DPP10: variants seen among roughly 807,000 people sequenced by gnomAD.
The protein encoded by DPP10 is inactive dipeptidyl peptidase 10.
A neutral mutation model predicts 120.9 loss-of-function variants in DPP10; 33 were observed. The ratio of observed to expected loss-of-function variants is 0.27; its 90% CI spans 0.21 to 0.37. The LOEUF (loss-of-function observed/expected upper bound fraction) is 0.37. DPP10 is among the 10% of genes least tolerant of loss of function. The pLI, the probability that DPP10 is intolerant of heterozygous loss-of-function variation, is 1.00. For missense variants in DPP10, 816 were observed against 942.8 expected (o/e 0.87, Z 1.76); for synonymous variants, 337 against 326.1 (o/e 1.03, Z -0.36).
At chr2:115,733,910 A>C (rs2092970066) in intron 8 of DPP10, among the ~76,000 whole-genome samples, 1 of 152,254 alleles carries the variant, frequency 6.6e-6, no homozygotes, top group African/African-American at 2.4e-5. Flanking sequence ...ATTTGTAAAA[A>C]TAAATTCTTT....
At chr2:115,398,161 T>G (rs554594626) in intron 3 of DPP10, among the ~76,000 whole-genome samples, 29 of 137,062 alleles carry the variant, frequency 2.1e-4, no homozygotes, top group African/African-American at 6.5e-4. Flanking sequence ...CTGGAGTTTT[T>G]CATTGTATAT....
intron 25 of DPP10, 73 bp from the exon 26 acceptor site, chr2:115,842,138 G>A: frequency 6.9e-7 from 1 of 1,453,938 alleles, no homozygotes; most frequent in East Asian, 2.4e-5. Context: ...ATGACGTTAG[G>A]GCTCAGAAAA....
At chr2:114,632,393 G>A (rs1219084013) in intron 1 of DPP10, among the ~76,000 whole-genome samples, 1 of 149,096 alleles carries the variant, frequency 6.7e-6, no homozygotes, top group Non-Finnish European at 1.5e-5. Context: ...AATTTTATAA[G>A]TACTATATAT....
At chr2:115,279,841 T>A (rs2060085895) in intron 1 of DPP10, among the ~76,000 whole-genome samples, 1 of 151,882 alleles carries the variant, frequency 6.6e-6, no homozygotes, top group Non-Finnish European at 1.5e-5. Context: ...TTTCTATTTT[T>A]AGTAGCGACA....
chr2:115,756,228 C>T (rs1679392480), intron 11 of DPP10, among the ~76,000 whole-genome samples: 1 of 152,034 alleles, frequency 6.6e-6, no homozygotes, highest in African/African-American at 2.4e-5. Context: ...AGATACATTA[C>T]AGCTAGATAA....
At chr2:115,687,820 T>C (rs1293598214) in intron 5 of DPP10, among the ~76,000 whole-genome samples, 1 of 152,056 alleles carries the variant, frequency 6.6e-6, no homozygotes, top group African/African-American at 2.4e-5. Flanking sequence ...AGTTGTTAGG[T>C]CTCAGTGTCT....
chr2:115,272,074 CACTT>C (rs908961758), intron 1 of DPP10, among the ~76,000 whole-genome samples: 7 of 152,152 alleles, frequency 4.6e-5, no homozygotes, highest in African/African-American at 7.2e-5. Context: ...GTTTTATAAA[CACTT>C]ACATAATGAA....
chr2:115,655,964 T>G (rs1323534769), intron 5 of DPP10, among the ~76,000 whole-genome samples: 1 of 151,732 alleles, frequency 6.6e-6, no homozygotes, highest in South Asian at 2.1e-4. Context: ...TGCCAGGGAC[T>G]GCGTGAGGAG....
intron 1 of DPP10, among the ~76,000 whole-genome samples, chr2:114,674,637 C>T (rs569677930): frequency 1.3e-5 from 2 of 152,204 alleles, no homozygotes; most frequent in African/African-American, 4.8e-5. Context: ...AATGATGACC[C>T]CATCCTGGCA....
At position 115,819,810 on chromosome 2, in the gene DPP10, A is replaced by G. The variant is rs530383367; in HGVS notation, c.1950+4081A>G. On this transcript the variant is annotated intron_variant, in intron 21 of 25. Coordinates refer to ENST00000410059, the MANE Select transcript of DPP10 (RefSeq NM_020868.6). ...GGAGTTCGAGACCATCCTGACCAACATGGAGAAACCCCTGTCTCTACTAAA... is the reference window on the plus strand; with the variant it reads ...GGAGTTCGAGACCATCCTGACCAACGTGGAGAAACCCCTGTCTCTACTAAA... 1.5e-3 allele frequency among the ~76,000 whole-genome samples: 228 copies of G among 152,246 alleles called. 1 individual carries two copies. Among genetic ancestry groups the G allele is most frequent in the Middle Eastern group, 3.4e-3 (1 of 294 alleles).
intron 1 of DPP10, among the ~76,000 whole-genome samples, chr2:114,655,994 T>C (rs1696940013): frequency 6.6e-6 from 1 of 152,176 alleles, no homozygotes; most frequent in African/African-American, 2.4e-5. Flanking sequence ...TTAGGTGTTG[T>C]AAGTTTATGT....
chr2:115,288,826 C>T (rs374424943), intron 1 of DPP10, among the ~76,000 whole-genome samples: 7 of 152,110 alleles, frequency 4.6e-5, no homozygotes, highest in African/African-American at 1.7e-4. Context: ...GACAAAGGCA[C>T]AGCCAATATA....
chr2:114,490,478 G>C (rs1388728332), intron 1 of DPP10, among the ~76,000 whole-genome samples: 1 of 144,286 alleles, frequency 6.9e-6, no homozygotes, highest in East Asian at 2.1e-4. Flanking sequence ...GGCAGGTAAA[G>C]GGCCCTTGAG....
At chr2:114,936,120 A>G (rs1377464963) in intron 1 of DPP10, among the ~76,000 whole-genome samples, 1 of 152,056 alleles carries the variant, frequency 6.6e-6, no homozygotes, top group Non-Finnish European at 1.5e-5. Flanking sequence ...CCCAACATGT[A>G]GTCTTTTATC....
chr2:114,915,584 A>T (rs150237304), intron 1 of DPP10, among the ~76,000 whole-genome samples: 2 of 152,338 alleles, frequency 1.3e-5, no homozygotes, highest in African/African-American at 4.8e-5. Flanking sequence ...AATCAATCAT[A>T]TGCTTGGCTA....
At chr2:115,761,175 G>A (rs570766859) in intron 11 of DPP10, among the ~76,000 whole-genome samples, 2 of 151,102 alleles carry the variant, frequency 1.3e-5, no homozygotes, top group African/African-American at 2.4e-5. Flanking sequence ...GGGAGGCCAA[G>A]TGGGGAGAAT....
intron 3 of DPP10, among the ~76,000 whole-genome samples, chr2:115,492,113 G>A (rs1190544179): frequency 6.6e-6 from 1 of 152,064 alleles, no homozygotes; most frequent in Non-Finnish European, 1.5e-5. Context: ...GATCGATGTG[G>A]TCAAAAACTT....
chr2:115,457,251 A>T (rs2073635807), intron 3 of DPP10, among the ~76,000 whole-genome samples: 1 of 152,086 alleles, frequency 6.6e-6, no homozygotes, highest in Non-Finnish European at 1.5e-5. Context: ...ATACCACAAT[A>T]GAAAAAAAAT....
intron 1 of DPP10, among the ~76,000 whole-genome samples, chr2:114,880,813 A>T (rs1363009071): frequency 6.6e-6 from 1 of 152,172 alleles, no homozygotes; most frequent in African/African-American, 2.4e-5. Flanking sequence ...CAATGAGAGA[A>T]ATCAATTTCA....
Sources: allele counts gnomAD v4.1 joint callset (sites outside exome capture counted in the v4.1 genomes callset), GRCh38; gene constraint gnomAD v4.1.1; transcripts MANE v1.5; gene names NCBI Gene and HGNC (gene_info 2026-07-23, HGNC 2026-07-21).